GPC3: variants seen among roughly 807,000 people sequenced by gnomAD.
GPC3 encodes glypican-3.
In GPC3, 3 loss-of-function variants were observed where a neutral mutation model predicts 34.4. The observed-to-expected ratio is 0.09, with a 90% CI of 0.04 to 0.23. GPC3 has a LOEUF of 0.23. GPC3 is among the 10% of genes least tolerant of loss of function. The pLI, the probability that GPC3 is intolerant of heterozygous loss-of-function variation, is 1.00. For missense variants in GPC3, 351 were observed against 445.6 expected, an observed-to-expected ratio of 0.79 and a Z score of 1.91; for synonymous variants, 177 against 174.0, an observed-to-expected ratio of 1.02 and a Z score of -0.13.
chrX:133,943,843 G>C (rs996348035), intron 2 of GPC3, among the ~76,000 whole-genome samples: 3 of 111,564 alleles, frequency 2.7e-5, no homozygotes, highest in African/African-American at 9.8e-5. Context: ...AGAGTTATGG[G>C]GCCAGAAGCT....
At chrX:133,740,593 G>T (rs1442892971) in intron 3 of GPC3, among the ~76,000 whole-genome samples, 2 of 111,479 alleles carry the variant, frequency 1.8e-5, no homozygotes, top group Non-Finnish European at 3.8e-5. Flanking sequence ...TTAATAATTT[G>T]TTAAGAGGAA....
intron 2 of GPC3, among the ~76,000 whole-genome samples, chrX:133,799,278 G>A (rs994786461): frequency 8.9e-6 from 1 of 111,797 alleles, no homozygotes; most frequent in African/African-American, 3.3e-5. Context: ...TGTAGTCCCA[G>A]TTACTTGGGA....
chrX:133,604,048 T>C (rs1327031039), intron 6 of GPC3, among the ~76,000 whole-genome samples: 2 of 111,246 alleles, frequency 1.8e-5, no homozygotes, highest in African/African-American at 6.5e-5. Flanking sequence ...TGTGCTGGGG[T>C]TTAACATATG....
At chrX:133,682,180 T>C (rs1163308989) in intron 5 of GPC3, among the ~76,000 whole-genome samples, 5 of 110,838 alleles carry the variant, frequency 4.5e-5, no homozygotes, top group African/African-American at 1.6e-4. Context: ...ACCCAGGAGT[T>C]CCAGACCAGC....
Position 133,728,215 on chromosome X carries a change from C to T in GPC3, c.1032+25267G>A, listed in dbSNP as rs1603234647. Reference sequence around the variant, plus strand: ...CAGTGGCCTACGTGTCAATGAAGACCCTTTTGGCTTCACTTCTCAGATCAG... The same window carrying T: ...CAGTGGCCTACGTGTCAATGAAGACTCTTTTGGCTTCACTTCTCAGATCAG... On this transcript the variant is annotated intron_variant, in intron 3 of 7. Transcript: ENST00000370818. Among the ~76,000 whole-genome samples, 3 of 111,874 alleles carry T rather than the reference C, an allele frequency of 2.7e-5. No individual in the cohort carries two copies. In the Admixed American group the frequency reaches 2.9e-4, roughly 11 times the overall value.
chrX:133,664,116 G>C (rs2070750136), intron 5 of GPC3, among the ~76,000 whole-genome samples: 2 of 112,354 alleles, frequency 1.8e-5, no homozygotes, highest in Admixed American at 1.9e-4. Context: ...AAAAATCAGT[G>C]AATCGGGTTC....
intron 2 of GPC3, among the ~76,000 whole-genome samples, chrX:133,937,622 A>G (rs1040116817): frequency 1.8e-5 from 2 of 111,167 alleles, no homozygotes; most frequent in African/African-American, 6.5e-5. Context: ...GAGAAAGCCT[A>G]TGCTCACCAC....
At chrX:133,548,594 A>G in intron 7 of GPC3, among the ~76,000 whole-genome samples, 1 of 111,738 alleles carries the variant, frequency 8.9e-6, no homozygotes, top group Admixed American at 9.5e-5. Context: ...TGAAAGATGA[A>G]TAGCCTCCCT....
intron 6 of GPC3, among the ~76,000 whole-genome samples, chrX:133,659,511 A>C: frequency 9.0e-6 from 1 of 111,071 alleles, no homozygotes; most frequent in South Asian, 3.8e-4. Context: ...CAATCTTCCC[A>C]CTAGCCTAAT....
chrX:133,551,187 A>C (rs2069430526), intron 7 of GPC3, among the ~76,000 whole-genome samples: 1 of 87,415 alleles, frequency 1.1e-5, no homozygotes, highest in Non-Finnish European at 2.1e-5. Flanking sequence ...ACTGATTCTC[A>C]AGTGCAGGGA....
intron 2 of GPC3, among the ~76,000 whole-genome samples, chrX:133,757,733 T>C (rs1258567562): frequency 9.0e-6 from 1 of 111,312 alleles, no homozygotes. Flanking sequence ...CTTAAGAACT[T>C]TTTATGTTCC....
chrX:133,737,210 G>C (rs1228765615), intron 3 of GPC3, among the ~76,000 whole-genome samples: 1 of 112,101 alleles, frequency 8.9e-6, no homozygotes, highest in Non-Finnish European at 1.9e-5. Flanking sequence ...GGAGAGGGAG[G>C]GATGAACAGG....
chrX:133,759,714 T>C, intron 2 of GPC3, among the ~76,000 whole-genome samples: 1 of 112,125 alleles, frequency 8.9e-6, no homozygotes, highest in Admixed American at 9.5e-5. Context: ...AGTAAGTTTT[T>C]AGATATAACA....
chrX:133,866,638 T>C (rs776579704), intron 2 of GPC3, among the ~76,000 whole-genome samples: 2 of 112,211 alleles, frequency 1.8e-5, no homozygotes, highest in Admixed American at 9.4e-5. Flanking sequence ...AAATACAGCT[T>C]CCCTGCTTAA....
chrX:133,923,008 A>G (rs1194793243), intron 2 of GPC3, among the ~76,000 whole-genome samples: 1 of 111,177 alleles, frequency 9.0e-6, no homozygotes, highest in Non-Finnish European at 1.9e-5. Context: ...ACATAGAGGC[A>G]GAGCCAGGAT....
intron 2 of GPC3, among the ~76,000 whole-genome samples, chrX:133,791,342 T>C (rs747174716): frequency 8.1e-4 from 90 of 111,301 alleles, no homozygotes; most frequent in African/African-American, 2.7e-3. Flanking sequence ...ATTTGAGCAA[T>C]AGAGTGCCAT....
chrX:133,537,477 G>A (rs1023165901), intron 7 of GPC3, among the ~76,000 whole-genome samples: 16 of 111,380 alleles, frequency 1.4e-4, no homozygotes, highest in African/African-American at 4.9e-4. Flanking sequence ...GGAAGAAAGC[G>A]TGGGGACTCA....
chrX:133,916,662 G>A (rs2076226518), intron 2 of GPC3, among the ~76,000 whole-genome samples: 1 of 111,109 alleles, frequency 9.0e-6, no homozygotes, highest in Non-Finnish European at 1.9e-5. Flanking sequence ...GGAGATCACT[G>A]GAGCCCAGAA....
intron 7 of GPC3, among the ~76,000 whole-genome samples, chrX:133,542,422 A>T (rs1412258846): frequency 1.8e-5 from 2 of 111,250 alleles, no homozygotes; most frequent in African/African-American, 6.6e-5. Context: ...AGTCTTGAGC[A>T]CATAATAGGA....
Sources: allele counts gnomAD v4.1 joint callset (sites outside exome capture counted in the v4.1 genomes callset), GRCh38; gene constraint gnomAD v4.1.1; transcripts MANE v1.5; gene names NCBI Gene and HGNC (gene_info 2026-07-23, HGNC 2026-07-21).